ANXA7: variants seen among roughly 807,000 people sequenced by gnomAD.
ANXA7 encodes annexin A7, also known as annexin VII.
Under a neutral mutation model 64.9 loss-of-function variants are expected in ANXA7, and 55 were observed. The observed-to-expected ratio is 0.85, with a 90% CI of 0.68 to 1.06. The LOEUF is 1.06. ANXA7 is among the 50% of genes least tolerant of loss of function. The probability of loss-of-function intolerance (pLI) is 0.00; values close to 1 mark genes in which losing one functional copy is unlikely to be tolerated. For missense variants in ANXA7, 548 were observed against 582.1 expected (o/e 0.94, Z 0.60); for synonymous variants, 200 against 192.4 (o/e 1.04, Z -0.33).
chr10:73,399,521 G>A (rs1265348734), intron 2 of ANXA7, among the ~76,000 whole-genome samples: 1 of 152,106 alleles, frequency 6.6e-6, no homozygotes, highest in East Asian at 1.9e-4. Flanking sequence ...CCACAGTTAT[G>A]AGTATAAAAC....
chr10:73,386,926 T>C (rs957647228), intron 7 of ANXA7, among the ~76,000 whole-genome samples: 1 of 152,100 alleles, frequency 6.6e-6, no homozygotes, highest in African/African-American at 2.4e-5. Context: ...TCTCCTGCTT[T>C]GGCCTCCCAA....
intron 1 of ANXA7, among the ~76,000 whole-genome samples, chr10:73,407,471 C>T (rs1490548822): frequency 6.6e-6 from 1 of 152,120 alleles, no homozygotes; most frequent in Non-Finnish European, 1.5e-5. Context: ...TTCTGCATTT[C>T]TAAAGCTTTC....
At chr10:73,392,864 G>A (rs1195546689) in intron 5 of ANXA7, among the ~76,000 whole-genome samples, 7 of 151,860 alleles carry the variant, frequency 4.6e-5, no homozygotes, top group Non-Finnish European at 7.4e-5. Context: ...CAATCAGGCA[G>A]GAGAAAGAAA....
At chr10:73,379,361 A>G (rs932824491) in intron 11 of ANXA7, among the ~76,000 whole-genome samples, 3 of 152,206 alleles carry the variant, frequency 2.0e-5, no homozygotes, top group African/African-American at 7.2e-5. Context: ...AAGTGTTACT[A>G]ATACTCCCCT....
In ANXA7 at chr10:73,376,177, T is replaced by C. The variant is rs149870496; in HGVS notation, c.1319A>G (p.Tyr440Cys). 6 of 1,604,276 alleles carry C rather than the reference T, an allele frequency of 3.7e-6. No individual in the cohort carries two copies. Among genetic ancestry groups the C allele is most frequent in the African/African-American group, 1.3e-5 (1 of 74,614 alleles). Residue 440 changes from tyrosine (Y) to cysteine (C), a missense_variant, in exon 13 of 13, where the codon TAT becomes TGT. Coordinates refer to ENST00000372921, the MANE Select transcript of ANXA7 (RefSeq NM_001156.5). Reference protein sequence around the residue: ...VQIKQMFAQMYQKTLGTMIAG... With the variant: ...VQIKQMFAQMCQKTLGTMIAG... ...AATCATTGTGCCCAGAGTCTTCTGA[T>C]ACATCTGAGCGAACATCTGTTTTAT...
intron 9 of ANXA7, among the ~76,000 whole-genome samples, chr10:73,382,839 A>C (rs934937640): frequency 2.0e-5 from 3 of 152,164 alleles, no homozygotes; most frequent in Admixed American, 6.5e-5. Context: ...GCAGTCCTGC[A>C]CATCTTCACT....
rs370486190 is a variant in ANXA7 at position 73,388,311 on chromosome 10, C to T, written c.538+1G>A. On this transcript the variant is annotated splice_donor_variant, in intron 6 of 12. Coordinates refer to ENST00000372921, the MANE Select transcript of ANXA7 (RefSeq NM_001156.5). LOFTEE classifies it high-confidence loss of function. Reference sequence around the variant, plus strand: ...AAAAGACAAAAATTTGTTTTCCTTACCAAAACCCTTCATTGCCTTACGAAG... The same window carrying T: ...AAAAGACAAAAATTTGTTTTCCTTATCAAAACCCTTCATTGCCTTACGAAG... The T allele has an allele frequency of 5.0e-6, 8 of 1,611,886 alleles. No homozygotes were observed. The African/African-American group carries it at 8.0e-5, about 16-fold the overall frequency.
chr10:73,398,827 A>G lies in ANXA7; in HGVS notation c.55-442T>C, dbSNP rs549762373. ...TTTAAAAATAAAAAAGGTAACCTGT[A>G]TATCACATCACACACCGGATGTGAC... On this transcript the variant is annotated intron_variant, in intron 2 of 12. Coordinates refer to ENST00000372921, the MANE Select transcript of ANXA7 (RefSeq NM_001156.5). Among the ~76,000 whole-genome samples, 10 of 152,322 alleles carry G rather than the reference A, an allele frequency of 6.6e-5. No individual in the cohort carries two copies. The South Asian group carries it at 2.1e-3, about 32-fold the overall frequency.
chr10:73,411,632 A>C (rs375040309), intron 1 of ANXA7, among the ~76,000 whole-genome samples: 4 of 152,178 alleles, frequency 2.6e-5, no homozygotes, highest in African/African-American at 9.6e-5. Context: ...GGGTTTCATC[A>C]TGTTGGCCAG....
At chr10:73,388,454 G>T in intron 5 of ANXA7, 40 bp from the exon 6 acceptor site, 1 of 1,487,716 alleles carries the variant, frequency 6.7e-7, no homozygotes, top group Non-Finnish European at 9.4e-7. Flanking sequence ...AGCATTTCCA[G>T]TAAGTTTCTA....
chr10:73,403,741 G>C (rs1417036688), intron 1 of ANXA7, among the ~76,000 whole-genome samples: 1 of 152,214 alleles, frequency 6.6e-6, no homozygotes, highest in Non-Finnish European at 1.5e-5. Context: ...CTCCAGAGGG[G>C]CTGTACCAAT....
At position 73,375,407 on chromosome 10, in the gene ANXA7, G is replaced by C. The variant is rs1690418618; in HGVS notation, c.*688C>G. The C allele has an allele frequency of 6.6e-6, 1 of 151,982 alleles. No individual in the cohort carries two copies. Among genetic ancestry groups the C allele is most frequent in the Admixed American group, 6.6e-5 (1 of 15,264 alleles). 9.4% of individuals were successfully genotyped at this position (151,982 alleles called of 1,614,324 possible). On this transcript the variant is annotated 3_prime_UTR_variant, in exon 13 of 13. Transcript: ENST00000372921. ...CTTAATTGTGGAATCATTACACAAG[G>C]AATGCTGATATCAAAACACCATATT...
Position 73,397,164 on chromosome 10 carries a change from C to T in ANXA7, c.370G>A (p.Gly124Ser). 1.3e-6 allele frequency: 2 copies of T among 1,576,496 alleles called. No homozygotes were observed. The highest frequency in any genetic ancestry group is 1.7e-6 in the Non-Finnish European group (2 of 1,158,592). The change falls in exon 4 of 13, where the codon GGT becomes AGT. Residue 124 changes from glycine (G) to serine (S), a missense_variant and splice_region_variant. By Grantham distance (56) the Gly-to-Ser change is moderately conservative. Coordinates refer to ENST00000372921, the MANE Select transcript of ANXA7 (RefSeq NM_001156.5). ...TTTTTTCTGGACAGCTGGTACCTAC[C>T]AGGTAGTGGAACCTGTGCTGGACCA... is the stretch of plus-strand genomic sequence containing the variant. ...GGGPAQVPLP[G>S]GFPGGQMPSQ...
intron 1 of ANXA7, among the ~76,000 whole-genome samples, chr10:73,405,691 T>C (rs1225354435): frequency 6.6e-6 from 1 of 152,140 alleles, no homozygotes; most frequent in African/African-American, 2.4e-5. Flanking sequence ...AAACCAGGCT[T>C]TTAAAGGTGC....
chr10:73,390,845 G>C (rs373959009), intron 5 of ANXA7, among the ~76,000 whole-genome samples: 4 of 151,584 alleles, frequency 2.6e-5, no homozygotes, highest in Non-Finnish European at 5.9e-5. Context: ...CAAGAATACT[G>C]TCATCTTCCA....
In ANXA7 at chr10:73,380,166, T is replaced by G. The variant is rs1469966225; in HGVS notation, c.954A>C (p.Gln318His). The G allele has an allele frequency of 1.9e-6, 3 of 1,614,106 alleles. No individual in the cohort carries two copies. Among genetic ancestry groups the G allele is most frequent in the Non-Finnish European group, 1.7e-6 (2 of 1,180,002 alleles). ...NRDENQSINH[Q>H]MAQEDAQRLY... ...GACGCTGAGCATCTTCCTGAGCCAT[T>G]TGGTGGTTTATACTCTGGTTCTCAT... The change falls in exon 10 of 13, where the codon CAA (glutamine) becomes CAC (histidine). Residue 318 changes from glutamine (Q) to histidine (H), a missense_variant. Physicochemically the swap from Gln to His is conservative, Grantham distance 24. Transcript: ENST00000372921.
chr10:73,378,511 A>G (rs1212846290), intron 12 of ANXA7, among the ~76,000 whole-genome samples: 1 of 152,168 alleles, frequency 6.6e-6, no homozygotes, highest in East Asian at 1.9e-4. Flanking sequence ...AATATTTTAA[A>G]AATTGTTTTA....
At chr10:73,405,514 G>A (rs572704153) in intron 1 of ANXA7, among the ~76,000 whole-genome samples, 1 of 152,310 alleles carries the variant, frequency 6.6e-6, no homozygotes, top group East Asian at 1.9e-4. Flanking sequence ...ACTCCAGCCT[G>A]GGTGATAGGG....
intron 1 of ANXA7, among the ~76,000 whole-genome samples, chr10:73,411,750 A>T (rs1471337708): frequency 1.3e-5 from 2 of 152,050 alleles, no homozygotes; most frequent in African/African-American, 4.8e-5. Flanking sequence ...AATTTTTAAA[A>T]AGGAGGGACA....
Sources: allele counts gnomAD v4.1 joint callset (sites outside exome capture counted in the v4.1 genomes callset), GRCh38; gene constraint gnomAD v4.1.1; transcripts MANE v1.5; gene names NCBI Gene and HGNC (gene_info 2026-07-23, HGNC 2026-07-21).